Variants in KCNIP4 observed in about 807,000 individuals in gnomAD.
KCNIP4 encodes the protein Kv channel-interacting protein 4.
In KCNIP4, 12 loss-of-function variants were observed where a neutral mutation model predicts 34.0. The ratio of observed to expected loss-of-function variants is 0.35; its 90% confidence interval spans 0.23 to 0.57. The LOEUF is 0.57. Among genes scored for constraint, KCNIP4 ranks in the 20% least tolerant of loss-of-function variants. KCNIP4 has a pLI of 0.83. For synonymous variants in KCNIP4, 124 were observed against 102.2 expected, an observed-to-expected ratio of 1.21 and a Z score of -1.29; for missense variants, 238 against 311.7, an observed-to-expected ratio of 0.76 and a Z score of 1.78.
intron 1 of KCNIP4, among the ~76,000 whole-genome samples, chr4:21,859,204 T>C (rs993265547): frequency 1.3e-5 from 2 of 152,162 alleles, no homozygotes; most frequent in African/African-American, 4.8e-5. Flanking sequence ...TATGCACACT[T>C]GGCAAAGGGC....
chr4:20,729,911 A>ATAAC lies in KCNIP4; in HGVS notation c.*167_*170dup, dbSNP rs774060648. 6.0e-6 allele frequency: 4 copies of ATAAC among 668,874 alleles called. No homozygotes were observed. Among genetic ancestry groups the ATAAC allele is most frequent in the Non-Finnish European group, 6.8e-6 (3 of 441,256 alleles). The allele number at this position is 668,874 out of a possible 1,614,324, so 41.4% of individuals were successfully genotyped here. Reference sequence around the variant, plus strand: ...GGCATTATGAAAAGGATGCAAATTTATAACTGAAAGCTCAAATCTTTTGGG... The same window carrying ATAAC: ...GGCATTATGAAAAGGATGCAAATTTATAACTAACTGAAAGCTCAAATCTTTTGGG... On this transcript the variant is annotated 3_prime_UTR_variant, in exon 9 of 9. Transcript: ENST00000382152.
intron 1 of KCNIP4, among the ~76,000 whole-genome samples, chr4:21,443,938 G>C (rs1478036540): frequency 6.6e-6 from 1 of 151,222 alleles, no homozygotes; most frequent in African/African-American, 2.5e-5. Flanking sequence ...AATGATAAAG[G>C]GGATATCACC....
chr4:21,916,478 A>G (rs1728637478), intron 1 of KCNIP4, among the ~76,000 whole-genome samples: 1 of 152,198 alleles, frequency 6.6e-6, no homozygotes, highest in Admixed American at 6.5e-5. Flanking sequence ...GTATGGGATT[A>G]TTTCATAGAA....
chr4:20,730,121 G>GTTT lies in KCNIP4; in HGVS notation c.711_713dup (p.Glu237_Asn238insLys), dbSNP rs1747616191. Reference sequence around the variant, plus strand: ...CAAAGAGCTGCATGGAGCGCATTATGTTTTCATCCTGTAAGGGAGAAACAC... The same window carrying GTTT: ...CAAAGAGCTGCATGGAGCGCATTATGTTTTTTTCATCCTGTAAGGGAGAAACAC... On this transcript the variant is annotated inframe_insertion, in exon 9 of 9. Coordinates refer to ENST00000382152, the MANE Select transcript of KCNIP4 (RefSeq NM_025221.6). 1 of 1,607,612 alleles carries GTTT rather than the reference G, an allele frequency of 6.2e-7. No homozygotes were observed. Among genetic ancestry groups the GTTT allele is most frequent in the Admixed American group, 1.7e-5 (1 of 58,290 alleles).
intron 1 of KCNIP4, among the ~76,000 whole-genome samples, chr4:21,114,482 CTT>C (rs1451659463): frequency 4.6e-5 from 7 of 152,054 alleles, no homozygotes; most frequent in Admixed American, 3.3e-4. Context: ...GTAAGACTAT[CTT>C]CACTTTTCTT....
At chr4:21,336,396 T>C (rs1225135969) in intron 1 of KCNIP4, among the ~76,000 whole-genome samples, 1 of 152,150 alleles carries the variant, frequency 6.6e-6, no homozygotes, top group African/African-American at 2.4e-5. Flanking sequence ...TTCCAGATAC[T>C]GAGAAATGAA....
At chr4:21,097,416 T>G (rs1747559486) in intron 1 of KCNIP4, among the ~76,000 whole-genome samples, 1 of 152,202 alleles carries the variant, frequency 6.6e-6, no homozygotes, top group Non-Finnish European at 1.5e-5. Context: ...CACATTTTTT[T>G]TACAAACTAA....
At chr4:21,672,917 G>A (rs1374028760) in intron 1 of KCNIP4, among the ~76,000 whole-genome samples, 2 of 152,220 alleles carry the variant, frequency 1.3e-5, no homozygotes, top group Admixed American at 6.5e-5. Context: ...CTGTTGGCGG[G>A]AGGCCTCACT....
At chr4:21,655,700 T>C (rs1349195152) in intron 1 of KCNIP4, among the ~76,000 whole-genome samples, 2 of 152,224 alleles carry the variant, frequency 1.3e-5, no homozygotes, top group African/African-American at 4.8e-5. Flanking sequence ...TTCTGATCAC[T>C]ATCCTACAGA....
chr4:20,904,925 A>G (rs1429716898), intron 1 of KCNIP4, among the ~76,000 whole-genome samples: 1 of 152,172 alleles, frequency 6.6e-6, no homozygotes, highest in Admixed American at 6.5e-5. Context: ...AGGATGAGGC[A>G]TGGGAGTAGG....
chr4:21,357,818 G>A (rs887905403), intron 1 of KCNIP4, among the ~76,000 whole-genome samples: 5 of 152,000 alleles, frequency 3.3e-5, no homozygotes, highest in African/African-American at 1.2e-4. Context: ...CCTATTACTG[G>A]GTATATACCC....
At chr4:21,867,928 G>A (rs11934163) in intron 1 of KCNIP4, among the ~76,000 whole-genome samples, 6,151 of 151,944 alleles carry the variant, frequency 0.04, 153 homozygotes, top group Middle Eastern at 0.075. Flanking sequence ...GAATCCTTTC[G>A]GGTCATTCTA....
intron 1 of KCNIP4, among the ~76,000 whole-genome samples, chr4:21,106,455 A>AT (rs1248199698): frequency 1.3e-5 from 2 of 151,478 alleles, no homozygotes; most frequent in Non-Finnish European, 2.9e-5. Flanking sequence ...CCCCTTTATC[A>AT]TTTTTTATCG....
chr4:20,999,993 G>A (rs1012209120), intron 1 of KCNIP4, among the ~76,000 whole-genome samples: 10 of 152,118 alleles, frequency 6.6e-5, no homozygotes, highest in African/African-American at 1.4e-4. Flanking sequence ...AAGGAAGGGC[G>A]GAAAAAAAAG....
intron 1 of KCNIP4, among the ~76,000 whole-genome samples, chr4:21,268,583 G>A (rs966790572): frequency 2.0e-5 from 3 of 152,190 alleles, no homozygotes; most frequent in Non-Finnish European, 2.9e-5. Context: ...GAGGAGGGGA[G>A]GTGGTCACAG....
intron 1 of KCNIP4, among the ~76,000 whole-genome samples, chr4:21,866,934 G>C (rs1277767683): frequency 6.6e-6 from 1 of 151,908 alleles, no homozygotes; most frequent in African/African-American, 2.4e-5. Context: ...ACCATGCTCA[G>C]CTAATTTTTT....
chr4:21,136,426 A>G (rs1265066139), intron 1 of KCNIP4, among the ~76,000 whole-genome samples: 1 of 152,216 alleles, frequency 6.6e-6, no homozygotes, highest in Non-Finnish European at 1.5e-5. Flanking sequence ...ACACTAAAAT[A>G]TGATCTGACT....
At chr4:21,839,005 A>C (rs985738333) in intron 1 of KCNIP4, among the ~76,000 whole-genome samples, 1 of 152,270 alleles carries the variant, frequency 6.6e-6, no homozygotes, top group South Asian at 2.1e-4. Flanking sequence ...GTCATTTTTG[A>C]GGGCACAATT....
chr4:21,047,940 A>G (rs2149787727), intron 1 of KCNIP4, among the ~76,000 whole-genome samples: 1 of 152,326 alleles, frequency 6.6e-6, no homozygotes, highest in African/African-American at 2.4e-5. Flanking sequence ...ATCACAGTCC[A>G]TCTGCAACTC....
Sources: gnomAD v4.1 joint callset for allele counts (sites outside exome capture counted in the v4.1 genomes callset) on GRCh38, gnomAD v4.1.1 for gene constraint, MANE v1.5 for transcripts, NCBI Gene and HGNC (gene_info 2026-07-23, HGNC 2026-07-21) for gene names.